The following TIAM2 variants were observed in gnomAD, a reference collection of about 807,000 sequenced individuals.
The protein encoded by TIAM2 is TIAM Rac1 associated GEF 2.
Under a neutral mutation model 152.9 loss-of-function variants are expected in TIAM2, and 80 were observed. That is an observed-to-expected ratio of 0.52 (90% confidence interval 0.44 to 0.63). The LOEUF (loss-of-function observed/expected upper bound fraction) is 0.63. TIAM2 is among the 30% of genes least tolerant of loss of function. TIAM2 has a pLI of 0.00. For missense variants in TIAM2, 1,965 were observed against 2,120.1 expected (o/e 0.93, Z 1.44); for synonymous variants, 804 against 838.0 (o/e 0.96, Z 0.70).
rs59836931 is a variant in TIAM2, at chr6:155,203,048, CA to C, written c.3065-8134del. On this transcript the variant is annotated intron_variant, in intron 14 of 26. Coordinates refer to ENST00000682666, the MANE Select transcript of TIAM2 (RefSeq NM_012454.4). ...TGGGTGACAGAGCAAAACTCTGTCT[CA>C]AAAAAAAAAAAAAAAAAAAAAGAGA... Among the ~76,000 whole-genome samples the C allele has an allele frequency of 1.2e-3, 97 of 78,854 alleles. 1 individual carries two copies. The highest frequency in any genetic ancestry group is 3.8e-3 in the East Asian group (9 of 2,382). The allele number at this position is 78,854 out of a possible 152,430, so 51.7% of individuals were successfully genotyped here.
chr6:155,069,118 AG>A (rs1271325143), intron 1 of TIAM2, among the ~76,000 whole-genome samples: 1 of 151,990 alleles, frequency 6.6e-6, no homozygotes. Flanking sequence ...TATTTAAGAC[AG>A]AGTCTTGCTC....
rs373830959 is a variant in TIAM2, at chr6:155,061,519, C to T, written c.-208-28770C>T. ...TGAAAATCTTGAGTCGCGTTGTTTA[C>T]GATTTATTATAAATGTGCTCATCCC... On this transcript the variant is annotated intron_variant, in intron 1 of 26. Coordinates refer to ENST00000682666, the MANE Select transcript of TIAM2 (RefSeq NM_012454.4). Among the ~76,000 whole-genome samples the T allele has an allele frequency of 1.4e-4, 22 of 152,252 alleles. No individual in the cohort carries two copies. The East Asian group carries it at 1.9e-3, about 13-fold the overall frequency.
chr6:155,224,073 C>T (rs1269448344), intron 15 of TIAM2, among the ~76,000 whole-genome samples: 2 of 152,146 alleles, frequency 1.3e-5, no homozygotes, highest in Non-Finnish European at 2.9e-5. Context: ...TGCCATTGTT[C>T]AAAGTTCTGA....
At chr6:155,065,464 A>G (rs1355404045) in intron 1 of TIAM2, among the ~76,000 whole-genome samples, 1 of 152,050 alleles carries the variant, frequency 6.6e-6, no homozygotes, top group Non-Finnish European at 1.5e-5. Context: ...TTTTAGATAC[A>G]AGGATTTCAA....
At chr6:155,104,686 G>A (rs549879606) in intron 2 of TIAM2, among the ~76,000 whole-genome samples, 2 of 152,086 alleles carry the variant, frequency 1.3e-5, no homozygotes, top group South Asian at 4.2e-4. Context: ...GAACCCGGGA[G>A]GCGGAGGTTG....
intron 15 of TIAM2, among the ~76,000 whole-genome samples, chr6:155,226,133 C>T (rs539886795): frequency 3.9e-4 from 59 of 152,152 alleles, no homozygotes; most frequent in African/African-American, 1.3e-3. Flanking sequence ...TGATTTCAGA[C>T]GAAATCATAG....
intron 1 of TIAM2, among the ~76,000 whole-genome samples, chr6:155,034,518 G>A (rs1562296672): frequency 1.3e-5 from 2 of 152,216 alleles, no homozygotes; most frequent in South Asian, 2.1e-4. Context: ...GCCTCCCAAA[G>A]TGCTGGGATT....
chr6:155,179,331 TATC>T, intron 11 of TIAM2, 44 bp from the exon 12 acceptor site: 1 of 1,580,164 alleles, frequency 6.3e-7, no homozygotes, highest in African/African-American at 1.3e-5. Flanking sequence ...TTTTTTGAGG[TATC>T]ATAACATGAG....
intron 15 of TIAM2, among the ~76,000 whole-genome samples, chr6:155,212,447 A>G (rs552741469): frequency 5.3e-5 from 8 of 152,328 alleles, no homozygotes; most frequent in Non-Finnish European, 8.8e-5. Context: ...GTTAATATCC[A>G]GTCCAGTTTT....
chr6:155,106,189 G>C (rs1778684452), intron 2 of TIAM2, among the ~76,000 whole-genome samples: 1 of 151,784 alleles, frequency 6.6e-6, no homozygotes, highest in Non-Finnish European at 1.5e-5. Flanking sequence ...AGTTTTAGTA[G>C]AGACAGGGTT....
At chr6:155,050,282 T>C (rs983532803) in intron 1 of TIAM2, among the ~76,000 whole-genome samples, 2 of 152,128 alleles carry the variant, frequency 1.3e-5, no homozygotes, top group African/African-American at 4.8e-5. Context: ...TGCCTCAGCC[T>C]CCCAAAGTGC....
In TIAM2 at chr6:155,129,202, A is replaced by G; in HGVS notation, c.-6-16A>G. On this transcript the variant is annotated splice_polypyrimidine_tract_variant and intron_variant, in intron 3 of 26. Coordinates refer to ENST00000682666, the MANE Select transcript of TIAM2 (RefSeq NM_012454.4). This position sits in a 1 kb window ranked among gnomAD's most constrained non-coding sequence, Gnocchi z 4.8. ...TTTAGGCCACGGTCTTACTGATGCAACTGTTCTTAATTTAGGTTAAAATGG... is the reference window on the plus strand; with the variant it reads ...TTTAGGCCACGGTCTTACTGATGCAGCTGTTCTTAATTTAGGTTAAAATGG... The G allele has an allele frequency of 1.2e-6, 2 of 1,604,234 alleles. No individual in the cohort carries two copies. The highest frequency in any genetic ancestry group is 1.7e-6 in the Non-Finnish European group (2 of 1,172,126).
At chr6:155,049,139 A>G (rs1777268316) in intron 1 of TIAM2, among the ~76,000 whole-genome samples, 1 of 152,084 alleles carries the variant, frequency 6.6e-6, no homozygotes, top group Non-Finnish European at 1.5e-5. Flanking sequence ...CCCCTGTTTA[A>G]ACACAAAACC....
intron 14 of TIAM2, among the ~76,000 whole-genome samples, chr6:155,190,841 A>G (rs1445851277): frequency 9.4e-6 from 1 of 106,484 alleles, no homozygotes; most frequent in Non-Finnish European, 2.0e-5. Context: ...AAGGAAAAGG[A>G]AAAAAAAAAA....
chr6:155,104,528 T>C (rs935346174), intron 2 of TIAM2, among the ~76,000 whole-genome samples: 60 of 152,078 alleles, frequency 3.9e-4, no homozygotes, highest in East Asian at 2.3e-3. Context: ...GAGGCCAAGG[T>C]GGGCAGATCA....
At chr6:155,117,663 G>A (rs1381458866) in intron 2 of TIAM2, among the ~76,000 whole-genome samples, 3 of 152,086 alleles carry the variant, frequency 2.0e-5, no homozygotes, top group Admixed American at 6.5e-5. Context: ...GGCTGGTCTC[G>A]AACTCCTGAC....
At chr6:155,036,127 G>A (rs965837143) in intron 1 of TIAM2, among the ~76,000 whole-genome samples, 2 of 152,132 alleles carry the variant, frequency 1.3e-5, no homozygotes, top group African/African-American at 2.4e-5. Flanking sequence ...CCCAAACAGA[G>A]TGGCCATCCA....
chr6:155,208,773 T>C (rs982466702), intron 14 of TIAM2, among the ~76,000 whole-genome samples: 5 of 152,160 alleles, frequency 3.3e-5, no homozygotes, highest in African/African-American at 1.2e-4. Context: ...GTTGCTCTCT[T>C]CTGTGATCTT....
At chr6:155,076,791 G>A (rs1303765846) in intron 1 of TIAM2, among the ~76,000 whole-genome samples, 1 of 152,154 alleles carries the variant, frequency 6.6e-6, no homozygotes, top group Non-Finnish European at 1.5e-5. Flanking sequence ...CACCTCCCAG[G>A]TTCAAGCGAT....
Sources: allele counts gnomAD v4.1 joint callset (sites outside exome capture counted in the v4.1 genomes callset), GRCh38; gene constraint gnomAD v4.1.1; non-coding constraint Gnocchi (gnomAD v3.1); transcripts MANE v1.5; gene names NCBI Gene and HGNC (gene_info 2026-07-23, HGNC 2026-07-21).